ATP2B2: variants seen among roughly 807,000 people sequenced by gnomAD.
ATP2B2 encodes ATPase plasma membrane Ca2+ transporting 2.
A neutral mutation model predicts 120.0 loss-of-function variants in ATP2B2; 15 were observed. The observed-to-expected ratio is 0.12, with a 90% CI of 0.08 to 0.19. The LOEUF is 0.19. Ranked by LOEUF, ATP2B2 falls within the 10% of genes least tolerant of loss-of-function variation. The pLI is 1.00. For synonymous variants in ATP2B2, 694 were observed against 700.3 expected, an observed-to-expected ratio of 0.99 and a Z score of 0.14; for missense variants, 1,045 against 1,719.8, an observed-to-expected ratio of 0.61 and a Z score of 6.94.
chr3:10,355,025 G>T (rs1009112795), intron 14 of ATP2B2, among the ~76,000 whole-genome samples: 2 of 152,142 alleles, frequency 1.3e-5, no homozygotes, highest in African/African-American at 4.8e-5. Context: ...GGGGATAGTG[G>T]TTACCTCTGA....
intron 12 of ATP2B2, among the ~76,000 whole-genome samples, chr3:10,364,289 T>C (rs2060980323): frequency 6.6e-6 from 1 of 152,046 alleles, no homozygotes; most frequent in African/African-American, 2.4e-5. Flanking sequence ...CTGAAAAGAG[T>C]TCTGGAGATG....
intron 14 of ATP2B2, among the ~76,000 whole-genome samples, chr3:10,358,249 T>A (rs993089315): frequency 3.3e-5 from 5 of 152,200 alleles, no homozygotes; most frequent in Admixed American, 6.5e-5. Flanking sequence ...CACTTCGGGT[T>A]CTCCTGAGTG....
chr3:10,694,883 A>AT, intron 1 of ATP2B2, among the ~76,000 whole-genome samples: 1 of 151,530 alleles, frequency 6.6e-6, no homozygotes, highest in East Asian at 1.9e-4. Context: ...GTCAATGCTG[A>AT]TTTTGGCAGC....
At chr3:10,415,166 G>A (rs1289141404) in intron 2 of ATP2B2, among the ~76,000 whole-genome samples, 3 of 152,180 alleles carry the variant, frequency 2.0e-5, no homozygotes, top group Non-Finnish European at 4.4e-5. Context: ...ACCTCTCACT[G>A]CCTTCATTTC....
At chr3:10,645,944 G>A (rs555482974) in intron 1 of ATP2B2, among the ~76,000 whole-genome samples, 3 of 152,258 alleles carry the variant, frequency 2.0e-5, no homozygotes, top group South Asian at 2.1e-4. Flanking sequence ...TGTTCCCCTC[G>A]AACCTGGGAG....
chr3:10,585,007 T>G (rs1469827075), intron 2 of ATP2B2, among the ~76,000 whole-genome samples: 1 of 152,082 alleles, frequency 6.6e-6, no homozygotes, highest in African/African-American at 2.4e-5. Context: ...CTGAATTGGA[T>G]CTCTTCCTCC....
chr3:10,493,849 G>C (rs969132505), intron 1 of ATP2B2, among the ~76,000 whole-genome samples: 1 of 152,192 alleles, frequency 6.6e-6, no homozygotes, highest in Non-Finnish European at 1.5e-5. Context: ...CCTCAGAAGG[G>C]GGAGACCCTT....
At chr3:10,470,703 G>A (rs1017043689) in intron 1 of ATP2B2, among the ~76,000 whole-genome samples, 16 of 152,156 alleles carry the variant, frequency 1.1e-4, no homozygotes. Flanking sequence ...CCTCTGCCAG[G>A]CCTCGGGGCA....
chr3:10,366,669 G>A (rs1007935616), intron 12 of ATP2B2, among the ~76,000 whole-genome samples: 2 of 152,158 alleles, frequency 1.3e-5, no homozygotes, highest in Non-Finnish European at 2.9e-5. Context: ...AACAGACATG[G>A]GCAGAACAGG....
At position 10,356,155 on chromosome 3, in the gene ATP2B2, C is replaced by CGTGTGTGT. The variant is rs911717639; in HGVS notation, c.2136+2528_2136+2535dup. 2.3e-4 allele frequency among the ~76,000 whole-genome samples: 6 copies of CGTGTGTGT among 26,510 alleles called. 2 individuals are homozygous for CGTGTGTGT. The highest frequency in any genetic ancestry group is 1.9e-3 in the Admixed American group (3 of 1,550). The allele number at this position is 26,510 out of a possible 152,430, so 17.4% of individuals were successfully genotyped here. On this transcript the variant is annotated intron_variant, in intron 14 of 22. Coordinates refer to ENST00000360273, the MANE Select transcript of ATP2B2 (RefSeq NM_001001331.4). The stretch of plus-strand genomic sequence containing the variant: ...TTGTCCTTTCCTTTGTGCGTGTGTG[C>CGTGTGTGT]GTGTGTGTGTGTGTGTGTGTGTGTG...
At chr3:10,495,665 G>A (rs557527701) in intron 1 of ATP2B2, among the ~76,000 whole-genome samples, 1 of 152,336 alleles carries the variant, frequency 6.6e-6, no homozygotes, top group South Asian at 2.1e-4. Context: ...TGAGAGGGCA[G>A]AGAAGTGCCT....
intron 2 of ATP2B2, among the ~76,000 whole-genome samples, chr3:10,442,310 G>A (rs1015357936): frequency 6.6e-6 from 1 of 152,046 alleles, no homozygotes; most frequent in Non-Finnish European, 1.5e-5. Context: ...CATCGCTCAC[G>A]GGACATGAAG....
intron 3 of ATP2B2, among the ~76,000 whole-genome samples, chr3:10,520,292 G>A (rs1433344541): frequency 6.6e-6 from 1 of 152,124 alleles, no homozygotes; most frequent in Admixed American, 6.5e-5. Context: ...TGGAGCCAGT[G>A]CTGGAGCAAG....
At chr3:10,548,096 C>T (rs2067590698) in intron 2 of ATP2B2, among the ~76,000 whole-genome samples, 1 of 152,218 alleles carries the variant, frequency 6.6e-6, no homozygotes, top group Non-Finnish European at 1.5e-5. Flanking sequence ...AGGACCACAT[C>T]ACCGTTTGTA....
At position 10,553,967 on chromosome 3, in the gene ATP2B2, T is replaced by G. The variant is rs145275892; in HGVS notation, c.-414-19834A>C. ...TGTGAAAAGAAGCAAGAGATTATAA[T>G]GAGCAGGAGCGGTACACAGACCCAC... On this transcript the variant is annotated intron_variant, in intron 2 of 21. Coordinates refer to the ATP2B2 transcript ENST00000646379. Among the ~76,000 whole-genome samples, 25 of 127,182 alleles carry G rather than the reference T, an allele frequency of 2.0e-4. No homozygotes were observed. The East Asian group carries it at 5.4e-3, about 28-fold the overall frequency. 83.4% of individuals were successfully genotyped at this position (127,182 alleles called of 152,430 possible).
chr3:10,347,031 C>G lies in ATP2B2; in HGVS notation c.2405-894G>C, dbSNP rs560178802. 6.6e-6 allele frequency among the ~76,000 whole-genome samples: 1 copy of G among 152,326 alleles called. No individual in the cohort carries two copies. Among genetic ancestry groups the G allele is most frequent in the African/African-American group, 2.4e-5 (1 of 41,570 alleles). On this transcript the variant is annotated intron_variant, in intron 16 of 22. Coordinates refer to ENST00000360273, the MANE Select transcript of ATP2B2 (RefSeq NM_001001331.4). The surrounding 1 kb of genome is among the most constrained non-coding windows in gnomAD (Gnocchi z 5.2). ...CACAGCAACCTCAGGATCTCTCTAA[C>G]ACCCATGTCTGAACCAGTTCCGTCC...
chr3:10,394,419 C>G (rs2061960999), intron 5 of ATP2B2: 2 of 470,378 alleles, frequency 4.3e-6, no homozygotes, highest in Admixed American at 4.7e-5. Context: ...CCACCCACCA[C>G]TTTCTGGCTC....
intron 2 of ATP2B2, among the ~76,000 whole-genome samples, chr3:10,430,759 C>T (rs2063290758): frequency 6.6e-6 from 1 of 151,624 alleles, no homozygotes; most frequent in African/African-American, 2.4e-5. Context: ...AGCCAAGTCC[C>T]AAGAGGCCAC....
intron 1 of ATP2B2, among the ~76,000 whole-genome samples, chr3:10,701,213 T>G (rs2071812791): frequency 6.6e-6 from 1 of 152,214 alleles, no homozygotes; most frequent in South Asian, 2.1e-4. Context: ...ATGGCAGCGT[T>G]GGAGAAATTC....
Sources: allele counts gnomAD v4.1 joint callset (sites outside exome capture counted in the v4.1 genomes callset), GRCh38; gene constraint gnomAD v4.1.1; non-coding constraint Gnocchi (gnomAD v3.1); transcripts MANE v1.5; gene names NCBI Gene and HGNC (gene_info 2026-07-23, HGNC 2026-07-21).